TRPM6: variants seen among roughly 807,000 people sequenced by gnomAD.
TRPM6 encodes the protein transient receptor potential cation channel subfamily M member 6, also known as channel kinase 2.
A neutral mutation model predicts 247.6 loss-of-function variants in TRPM6; 111 were observed. The ratio of observed to expected loss-of-function variants is 0.45; its 90% confidence interval spans 0.38 to 0.52. The LOEUF is 0.52. Among genes scored for constraint, TRPM6 ranks in the 20% least tolerant of loss-of-function variants. The pLI, the probability that TRPM6 is intolerant of heterozygous loss-of-function variation, is 0.00. For synonymous variants in TRPM6, 892 were observed against 853.8 expected, an observed-to-expected ratio of 1.04 and a Z score of -0.78; for missense variants, 2,126 against 2,421.5, an observed-to-expected ratio of 0.88 and a Z score of 2.56.
chr9:74,802,070 C>A lies in TRPM6; in HGVS notation c.1837G>T (p.Val613Phe). 6.2e-7 allele frequency: 1 copy of A among 1,614,162 alleles called. No homozygotes were observed. The highest frequency in any genetic ancestry group is 8.5e-7 in the Non-Finnish European group (1 of 1,180,026). Residue 613 changes from valine (V) to phenylalanine (F), a missense_variant, in exon 16 of 39, where the codon GTT becomes TTT. Physicochemically the swap from Val to Phe is conservative, Grantham distance 50. Coordinates refer to ENST00000360774, the MANE Select transcript of TRPM6 (RefSeq NM_017662.5). ...TGCCTTTTCATCAGCACAGCCCAAA[C>A]CAGCAGGTCATTGTAAGGGTAAAGA... ...GFLYPYNDLLVWAVLMKRQKM... is the reference protein window; with the variant it reads ...GFLYPYNDLLFWAVLMKRQKM...
chr9:74,802,897 T>A (rs139233271), intron 15 of TRPM6, among the ~76,000 whole-genome samples: 1 of 152,298 alleles, frequency 6.6e-6, no homozygotes, highest in Non-Finnish European at 1.5e-5. Context: ...TCTGGGCTCA[T>A]CATACTGCAC....
intron 7 of TRPM6, among the ~76,000 whole-genome samples, chr9:74,822,126 A>T (rs1311975369): frequency 6.6e-6 from 1 of 152,260 alleles, no homozygotes; most frequent in Non-Finnish European, 1.5e-5. Flanking sequence ...TAAGTATTCC[A>T]TTACGGGAAA....
At chr9:74,878,991 C>A (rs1285790708) in intron 1 of TRPM6, among the ~76,000 whole-genome samples, 1 of 150,960 alleles carries the variant, frequency 6.6e-6, no homozygotes, top group Non-Finnish European at 1.5e-5. Flanking sequence ...AACCTCATCT[C>A]AAAAAAAATT....
chr9:74,750,043 G>T (rs923731159), intron 30 of TRPM6, among the ~76,000 whole-genome samples: 4 of 152,132 alleles, frequency 2.6e-5, no homozygotes, highest in African/African-American at 9.7e-5. Flanking sequence ...TTGCTTGGTT[G>T]ATTTACAACT....
intron 7 of TRPM6, among the ~76,000 whole-genome samples, chr9:74,822,149 C>T (rs183577651): frequency 6.6e-6 from 1 of 152,186 alleles, no homozygotes; most frequent in Admixed American, 6.5e-5. Context: ...CCCAAAGTAT[C>T]TAAAAGTAAA....
intron 16 of TRPM6, 86 bp from the exon 17 acceptor site, chr9:74,800,568 G>T: frequency 3.3e-6 from 3 of 904,930 alleles, no homozygotes; most frequent in Non-Finnish European, 5.3e-6. Flanking sequence ...TAGAAACATT[G>T]TAAAAGATTG....
intron 17 of TRPM6, 123 bp from the exon 18 acceptor site, chr9:74,797,016 G>A (rs967938459): frequency 2.1e-5 from 18 of 866,208 alleles, no homozygotes; most frequent in African/African-American, 1.5e-4. Context: ...AATTTTCATC[G>A]CATTTCTATA....
intron 33 of TRPM6, among the ~76,000 whole-genome samples, chr9:74,740,938 A>T (rs987352297): frequency 4.6e-5 from 7 of 152,156 alleles, no homozygotes; most frequent in Non-Finnish European, 8.8e-5. Flanking sequence ...GTCAAACAGT[A>T]CCAATGTCAT....
chr9:74,821,326 G>T (rs1307675191), intron 8 of TRPM6, among the ~76,000 whole-genome samples: 1 of 152,010 alleles, frequency 6.6e-6, no homozygotes, highest in Middle Eastern at 3.2e-3. Context: ...GGTGCTCTGG[G>T]CCCAACACTG....
At chr9:74,806,715 A>G (rs1307828933) in intron 14 of TRPM6, among the ~76,000 whole-genome samples, 1 of 152,234 alleles carries the variant, frequency 6.6e-6, no homozygotes, top group Non-Finnish European at 1.5e-5. Flanking sequence ...GAAAACATGC[A>G]CAGAGAAGTT....
At chr9:74,732,964 T>C (rs1370479336) in intron 36 of TRPM6, among the ~76,000 whole-genome samples, 1 of 151,794 alleles carries the variant, frequency 6.6e-6, no homozygotes, top group African/African-American at 2.4e-5. Flanking sequence ...GGGGTGGAGG[T>C]GGGCAGATGA....
Position 74,800,353 on chromosome 9 carries a change from C to T in TRPM6, c.2139G>A (p.Ser713=), listed in dbSNP as rs150261538. ...SNSTCLKLAV[S]GGLRPFVSHT... ...GTGAAACAAAGGGTCGTAATCCTCC[C>T]GACACGGCCAGTTTAAGGCAGGTCG... The change falls in exon 17 of 39, where the codon TCG becomes TCA. Residue 713 remains serine (S), a synonymous_variant. Coordinates refer to ENST00000360774, the MANE Select transcript of TRPM6 (RefSeq NM_017662.5). The T allele has an allele frequency of 2.0e-5, 33 of 1,613,922 alleles. No homozygotes were observed. Among genetic ancestry groups the T allele is most frequent in the East Asian group, 2.2e-5 (1 of 44,888 alleles).
chr9:74,751,716 C>G (rs559384981), intron 29 of TRPM6, among the ~76,000 whole-genome samples: 1 of 152,314 alleles, frequency 6.6e-6, no homozygotes, highest in South Asian at 2.1e-4. Flanking sequence ...CACTAAGGGT[C>G]TTTACCCTGC....
At chr9:74,875,351 T>C (rs1831162026) in intron 1 of TRPM6, 2 of 432,842 alleles carry the variant, frequency 4.6e-6, no homozygotes, top group Non-Finnish European at 4.7e-6. Context: ...GAGACCAGCC[T>C]GGCCAACAAG....
At chr9:74,769,847 A>G (rs1766273287) in intron 25 of TRPM6, among the ~76,000 whole-genome samples, 1 of 151,286 alleles carries the variant, frequency 6.6e-6, no homozygotes, top group Non-Finnish European at 1.5e-5. Flanking sequence ...GCCTGTGTCC[A>G]TATAACTAGT....
chr9:74,879,461 A>C (rs1587609856), intron 1 of TRPM6, among the ~76,000 whole-genome samples: 1 of 152,170 alleles, frequency 6.6e-6, no homozygotes, highest in African/African-American at 2.4e-5. Flanking sequence ...TTTTGTTATA[A>C]TGTCAGGTGT....
At chr9:74,727,968 C>A (rs1293287452) in intron 38 of TRPM6, among the ~76,000 whole-genome samples, 2 of 152,102 alleles carry the variant, frequency 1.3e-5, no homozygotes, top group East Asian at 3.9e-4. Context: ...GATTTCATCC[C>A]ATTTAAGTCG....
chr9:74,737,266 A>T (rs1306112930), intron 36 of TRPM6: 8 of 694,172 alleles, frequency 1.2e-5, no homozygotes, highest in Non-Finnish European at 1.4e-5. Flanking sequence ...TATGTCATTT[A>T]AAAAATGCAC....
Position 74,842,298 on chromosome 9 carries a change from A to G in TRPM6, c.198T>C (p.Tyr66=), listed in dbSNP as rs183879985. The G allele has an allele frequency of 2.8e-5, 46 of 1,614,162 alleles. No individual in the cohort carries two copies. The highest frequency in any genetic ancestry group is 1.6e-4 in the Middle Eastern group (1 of 6,062). ...CCTTGGCAGCTGAGATGGTCCAGGAATAATCTATCCCAGCATGGTCTCCAA... is the reference window on the plus strand; with the variant it reads ...CCTTGGCAGCTGAGATGGTCCAGGAGTAATCTATCCCAGCATGGTCTCCAA... The part of the protein sequence containing the change: ...RLIGDHAGID[Y]SWTISAAKGK... Residue 66 remains tyrosine (Y), a synonymous_variant, in exon 4 of 39, where the codon TAT becomes TAC. Coordinates refer to ENST00000360774, the MANE Select transcript of TRPM6 (RefSeq NM_017662.5).
Sources: allele counts gnomAD v4.1 joint callset (sites outside exome capture counted in the v4.1 genomes callset), GRCh38; gene constraint gnomAD v4.1.1; transcripts MANE v1.5; gene names NCBI Gene and HGNC (gene_info 2026-07-23, HGNC 2026-07-21).